Variants in RASGRF2 observed in about 807,000 individuals in gnomAD.
RASGRF2 encodes the protein Ras protein specific guanine nucleotide releasing factor 2.
Under a neutral mutation model 151.0 loss-of-function variants are expected in RASGRF2, and 76 were observed. The observed-to-expected ratio is 0.50, with a 90% CI of 0.42 to 0.61. The LOEUF (loss-of-function observed/expected upper bound fraction) is 0.61, where lower values mean the gene tolerates loss of function less well. Among genes scored for constraint, RASGRF2 ranks in the 20% least tolerant of loss-of-function variants. The pLI is 0.00. For missense variants in RASGRF2, 1,148 were observed against 1,564.6 expected (o/e 0.73, Z 4.49); for synonymous variants, 504 against 566.5 (o/e 0.89, Z 1.57).
At chr5:81,124,912 G>C (rs527763594) in intron 16 of RASGRF2, among the ~76,000 whole-genome samples, 8 of 136,796 alleles carry the variant, frequency 5.8e-5, no homozygotes, top group Non-Finnish European at 1.1e-4. Flanking sequence ...TTTGGAGACA[G>C]AGTCTCACTC....
chr5:81,021,017 C>T (rs977516988), intron 1 of RASGRF2, among the ~76,000 whole-genome samples: 1 of 152,208 alleles, frequency 6.6e-6, no homozygotes, highest in Non-Finnish European at 1.5e-5. Context: ...CCACAGATTA[C>T]GCTGTCACAG....
chr5:81,056,505 AC>A (rs1751217665), intron 2 of RASGRF2, among the ~76,000 whole-genome samples: 1 of 152,130 alleles, frequency 6.6e-6, no homozygotes, highest in Non-Finnish European at 1.5e-5. Flanking sequence ...GTTTGTTATA[AC>A]TTCTGTTGTT....
intron 2 of RASGRF2, among the ~76,000 whole-genome samples, chr5:81,050,714 G>A (rs1375587861): frequency 8.5e-5 from 13 of 152,200 alleles, no homozygotes; most frequent in Non-Finnish European, 1.5e-5. Context: ...CGAGCAGGAA[G>A]GGCTGACCAT....
chr5:81,113,982 C>T (rs1467588880), intron 15 of RASGRF2, 62 bp downstream of exon 15: 17 of 1,525,672 alleles, frequency 1.1e-5, no homozygotes, highest in Non-Finnish European at 1.4e-5. Flanking sequence ...CCTCCTCACC[C>T]TTCCTTTTGG....
At chr5:80,963,928 A>T (rs1747642561) in intron 1 of RASGRF2, among the ~76,000 whole-genome samples, 1 of 152,208 alleles carries the variant, frequency 6.6e-6, no homozygotes, top group Non-Finnish European at 1.5e-5. Flanking sequence ...TTACAAGAAG[A>T]AAACACCCAT....
At chr5:81,037,152 C>T (rs1750527848) in intron 1 of RASGRF2, among the ~76,000 whole-genome samples, 1 of 152,104 alleles carries the variant, frequency 6.6e-6, no homozygotes, top group Non-Finnish European at 1.5e-5. Flanking sequence ...GAAGCCACCC[C>T]CATGATTCAA....
chr5:81,174,415 G>A (rs1754726140), intron 17 of RASGRF2, among the ~76,000 whole-genome samples: 1 of 152,230 alleles, frequency 6.6e-6, no homozygotes, highest in African/African-American at 2.4e-5. Context: ...CCCCAAGAGG[G>A]TGAGAACTGA....
chr5:81,053,385 T>C (rs1481705982), intron 2 of RASGRF2, among the ~76,000 whole-genome samples: 1 of 151,154 alleles, frequency 6.6e-6, no homozygotes, highest in Non-Finnish European at 1.5e-5. Flanking sequence ...GTTTGGTTTT[T>C]TGCTCTTGCG....
At position 81,108,976 on chromosome 5, in the gene RASGRF2, G is replaced by T; in HGVS notation, c.1756-20G>T. ...CTAGGCTTTCATGTGGGTTGTAATT[G>T]TCAACTTTTTATTTCACAGTGTGTG... On this transcript the variant is annotated intron_variant, in intron 12 of 26. Coordinates refer to ENST00000265080, the MANE Select transcript of RASGRF2 (RefSeq NM_006909.3). 1 of 1,593,520 alleles carries T rather than the reference G, an allele frequency of 6.3e-7. No individual in the cohort carries two copies. Among genetic ancestry groups the T allele is most frequent in the East Asian group, 2.3e-5 (1 of 44,356 alleles).
In RASGRF2 at chr5:81,229,874, G is replaced by T. The variant is rs1756075411; in HGVS notation, c.*4104G>T. 6.6e-6 allele frequency: 1 copy of T among 152,142 alleles called. No individual in the cohort carries two copies. The highest frequency in any genetic ancestry group is 6.5e-5 in the Admixed American group (1 of 15,284). The allele number at this position is 152,142 out of a possible 1,614,324, so 9.4% of individuals were successfully genotyped here. ...CACAGGGCTATTGTGAGGACCAAAT[G>T]GATTAGACTGTAAACTGCAAAGTGC... is the stretch of plus-strand genomic sequence containing the variant. On this transcript the variant is annotated 3_prime_UTR_variant, in exon 27 of 27. Coordinates refer to ENST00000265080, the MANE Select transcript of RASGRF2 (RefSeq NM_006909.3).
intron 17 of RASGRF2, among the ~76,000 whole-genome samples, chr5:81,151,073 G>A (rs1033987116): frequency 3.3e-5 from 5 of 152,168 alleles, no homozygotes; most frequent in Non-Finnish European, 5.9e-5. Flanking sequence ...AGTTATCACA[G>A]CTATATGTGA....
In RASGRF2 at chr5:81,207,238, T is replaced by G. The variant is rs1184645319; in HGVS notation, c.2968-8T>G. 4 of 1,613,794 alleles carry G rather than the reference T, an allele frequency of 2.5e-6. No individual in the cohort carries two copies. On this transcript the variant is annotated splice_region_variant and splice_polypyrimidine_tract_variant and intron_variant, in intron 20 of 26. Transcript: ENST00000265080. ...GGGTGTTTCATTTCCCTCCCTCATC[T>G]CTTGCAGACTGACTGCATGAAGGCC...
chr5:81,091,679 T>C (rs1375953648), intron 9 of RASGRF2, among the ~76,000 whole-genome samples: 1 of 152,180 alleles, frequency 6.6e-6, no homozygotes, highest in East Asian at 1.9e-4. Context: ...AACTTACATA[T>C]ATATATTATT....
At chr5:81,142,318 A>T (rs1753903229) in intron 17 of RASGRF2, among the ~76,000 whole-genome samples, 1 of 152,210 alleles carries the variant, frequency 6.6e-6, no homozygotes, top group Non-Finnish European at 1.5e-5. Flanking sequence ...AATGTGCTGC[A>T]CGTGTGAATG....
rs1191768795 is a variant in RASGRF2, at chr5:81,113,543, T to G, written c.2093T>G (p.Leu698Trp). ...RPFTSIPVRS[L>W]ELFFATSQNN... ...ACTTTTGCTCTCATTTTTAGGTCAT[T>G]GGAATTGTTTTTTGCTACCAGCCAG... is the stretch of plus-strand genomic sequence containing the variant. The change falls in exon 15 of 27, where the codon TTG (leucine) becomes TGG (tryptophan). Residue 698 changes from leucine (L) to tryptophan (W), a missense_variant. Leu to Trp is a moderately conservative substitution (Grantham distance 61, BLOSUM62 -2). Coordinates refer to ENST00000265080, the MANE Select transcript of RASGRF2 (RefSeq NM_006909.3). The G allele has an allele frequency of 6.2e-7, 1 of 1,608,632 alleles. No homozygotes were observed. Among genetic ancestry groups the G allele is most frequent in the Non-Finnish European group, 8.5e-7 (1 of 1,175,376 alleles).
At chr5:81,208,639 C>A (rs1252656203) in intron 22 of RASGRF2, among the ~76,000 whole-genome samples, 1 of 144,036 alleles carries the variant, frequency 6.9e-6, no homozygotes, top group Non-Finnish European at 1.5e-5. Context: ...GCAACCTCCA[C>A]CTCCCTGGTT....
intron 18 of RASGRF2, among the ~76,000 whole-genome samples, chr5:81,198,073 T>TTCTC (rs150669732): frequency 1.8e-4 from 27 of 151,572 alleles, no homozygotes; most frequent in African/African-American, 6.0e-4. Flanking sequence ...TTAACGTGTA[T>TTCTC]TCTCTCTCTC....
At chr5:81,048,933 C>T (rs1750921336) in intron 2 of RASGRF2, among the ~76,000 whole-genome samples, 1 of 152,086 alleles carries the variant, frequency 6.6e-6, no homozygotes, top group African/African-American at 2.4e-5. Flanking sequence ...TTCTCTTGCA[C>T]ATGCAGCCCG....
chr5:81,085,999 C>A, intron 8 of RASGRF2, 88 bp downstream of exon 8: 14 of 1,541,258 alleles, frequency 9.1e-6, no homozygotes, highest in Non-Finnish European at 1.2e-5. Flanking sequence ...TTCTAAGGAA[C>A]AAGAAGCAAA....
Sources: allele counts gnomAD v4.1 joint callset (sites outside exome capture counted in the v4.1 genomes callset), GRCh38; gene constraint gnomAD v4.1.1; transcripts MANE v1.5; gene names NCBI Gene and HGNC (gene_info 2026-07-23, HGNC 2026-07-21).